MTRF1: variants seen among roughly 807,000 people sequenced by gnomAD.
MTRF1 encodes the protein peptide chain release factor 1, mitochondrial.
MTRF1 carries 51 observed loss-of-function variants against 62.9 expected under a neutral mutation model. That is an observed-to-expected ratio of 0.81 (90% CI 0.65 to 1.02). The LOEUF is 1.02. MTRF1 is among the 50% of genes least tolerant of loss of function. The pLI is 0.00. For missense variants in MTRF1, 446 were observed against 530.0 expected, an observed-to-expected ratio of 0.84 and a Z score of 1.56; for synonymous variants, 158 against 181.9, an observed-to-expected ratio of 0.87 and a Z score of 1.06.
intron 5 of MTRF1, 168 bp downstream of exon 5, chr13:41,252,477 C>G: frequency 2.2e-6 from 1 of 455,340 alleles, no homozygotes; most frequent in South Asian, 5.4e-5. Flanking sequence ...TCCTAGCTAA[C>G]AACTCTGCTA....
At chr13:41,310,466 A>G in the MTRF1 span, among the ~76,000 whole-genome samples, 1 of 152,104 alleles carries the variant, frequency 6.6e-6, no homozygotes, top group Non-Finnish European at 1.5e-5. Flanking sequence ...AGGTCAAGAG[A>G]TCAAGACCAT....
the MTRF1 span, among the ~76,000 whole-genome samples, chr13:41,283,585 CTTTTT>C: frequency 1.7e-4 from 14 of 83,558 alleles, 1 homozygote; most frequent in East Asian, 4.6e-3. Context: ...CTCTGACAAT[CTTTTT>C]TTTTTTTTTT....
At chr13:41,219,091 G>A (rs1429147119) in intron 9 of MTRF1, among the ~76,000 whole-genome samples, 1 of 146,834 alleles carries the variant, frequency 6.8e-6, no homozygotes, top group East Asian at 2.0e-4. Flanking sequence ...AGGAGATTGA[G>A]ACCAGCCTGG....
At chr13:41,264,866 A>T (rs1376538499), upstream of MTRF1, among the ~76,000 whole-genome samples, 1 of 152,206 alleles carries the variant, frequency 6.6e-6, no homozygotes, top group Non-Finnish European at 1.5e-5. Context: ...CCAAAAAAGA[A>T]AAAACCTTCA....
intron 6 of MTRF1, among the ~76,000 whole-genome samples, chr13:41,236,886 G>T (rs762823291): frequency 6.6e-6 from 1 of 152,074 alleles, no homozygotes; most frequent in Non-Finnish European, 1.5e-5. Context: ...TGTACTTTTA[G>T]AATAGTGAAA....
chr13:41,273,752 G>A, the MTRF1 span, among the ~76,000 whole-genome samples: 23 of 152,056 alleles, frequency 1.5e-4, no homozygotes, highest in Admixed American at 3.9e-4. Flanking sequence ...CAGGAGAATC[G>A]CTTGAACCTG....
chr13:41,269,246 C>T, the MTRF1 span, among the ~76,000 whole-genome samples: 6 of 118,832 alleles, frequency 5.0e-5, no homozygotes, highest in Non-Finnish European at 8.1e-5. Context: ...TTCACCTAGA[C>T]TGGAGTGCAA....
At chr13:41,253,169 C>A (rs1161563813) in intron 3 of MTRF1, 139 bp from the exon 4 acceptor site, 2 of 622,036 alleles carry the variant, frequency 3.2e-6, no homozygotes, top group African/African-American at 1.9e-5. Flanking sequence ...TCCAAAAATG[C>A]TATAATAAGT....
At chr13:41,261,818 C>G (rs2040481540) in intron 1 of MTRF1, 1 of 984,656 alleles carries the variant, frequency 1.0e-6, no homozygotes, top group Non-Finnish European at 1.2e-6. Context: ...TCCCGTTTAG[C>G]TGAGATCCTA....
intron 3 of MTRF1, 140 bp downstream of exon 3, chr13:41,254,389 G>C: frequency 2.2e-6 from 1 of 447,846 alleles, no homozygotes; most frequent in Non-Finnish European, 3.9e-6. Context: ...GCAAATTACA[G>C]GAGACCAGCT....
chr13:41,303,006 G>A, the MTRF1 span, among the ~76,000 whole-genome samples: 1 of 152,010 alleles, frequency 6.6e-6, no homozygotes, highest in Non-Finnish European at 1.5e-5. Flanking sequence ...CAAGAGGCTG[G>A]AATACATACA....
chr13:41,253,789 G>A (rs1321361966), intron 3 of MTRF1, among the ~76,000 whole-genome samples: 2 of 152,046 alleles, frequency 1.3e-5, no homozygotes, highest in Admixed American at 6.6e-5. Flanking sequence ...TTGATTAACT[G>A]GTTCAATTTG....
the MTRF1 span, among the ~76,000 whole-genome samples, chr13:41,285,063 T>C: frequency 1.3e-5 from 2 of 152,228 alleles, no homozygotes; most frequent in Non-Finnish European, 2.9e-5. Context: ...GTTGACTTAC[T>C]GATTAACGTA....
chr13:41,218,944 TTTAAAA>T (rs1263764227), intron 9 of MTRF1, among the ~76,000 whole-genome samples: 3 of 152,232 alleles, frequency 2.0e-5, no homozygotes, highest in African/African-American at 7.2e-5. Flanking sequence ...ATGATATAAC[TTTAAAA>T]TTAAGGTTTA....
intron 7 of MTRF1, among the ~76,000 whole-genome samples, chr13:41,227,446 A>G (rs2034647820): frequency 6.6e-6 from 1 of 152,184 alleles, no homozygotes; most frequent in East Asian, 1.9e-4. Context: ...GCTGGGGTCC[A>G]GCTAATCAAT....
chr13:41,271,394 C>CCTTG, the MTRF1 span, among the ~76,000 whole-genome samples: 1 of 152,142 alleles, frequency 6.6e-6, no homozygotes, highest in Non-Finnish European at 1.5e-5. Flanking sequence ...GGGTCATTCT[C>CCTTG]CTTGCTTTCT....
At chr13:41,220,671 A>C in intron 9 of MTRF1, 28 of 1,053,642 alleles carry the variant, frequency 2.7e-5, no homozygotes, top group Non-Finnish European at 3.5e-5. Context: ...GTAGGGACTC[A>C]TATCATCAGG....
At chr13:41,265,421 CA>C (rs75587601), upstream of MTRF1, among the ~76,000 whole-genome samples, 1,396 of 127,370 alleles carry the variant, frequency 0.011, 10 homozygotes, top group African/African-American at 0.022. Flanking sequence ...AACTCCGTCT[CA>C]AAAAAAAAAA....
At chr13:41,268,396 G>A (rs555800837), upstream of MTRF1, among the ~76,000 whole-genome samples, 4 of 152,040 alleles carry the variant, frequency 2.6e-5, no homozygotes, top group Non-Finnish European at 5.9e-5. Context: ...AATATCGAAG[G>A]TTTAAAAACA....
Sources: allele counts gnomAD v4.1 joint callset (sites outside exome capture counted in the v4.1 genomes callset), GRCh38; gene constraint gnomAD v4.1.1; transcripts MANE v1.5; gene names NCBI Gene and HGNC (gene_info 2026-07-23, HGNC 2026-07-21).